Variants in RSRC2 observed in about 807,000 individuals in gnomAD.
RSRC2 encodes arginine and serine rich coiled-coil 2.
RSRC2 carries 5 observed loss-of-function variants against 61.3 expected under a neutral mutation model. The ratio of observed to expected loss-of-function variants is 0.08; its 90% CI spans 0.04 to 0.17. RSRC2 has a LOEUF of 0.17. Ranked by LOEUF, RSRC2 falls within the 10% of genes least tolerant of loss-of-function variation. The probability of loss-of-function intolerance (pLI) is 1.00; values close to 1 mark genes in which losing one functional copy is unlikely to be tolerated. For synonymous variants in RSRC2, 202 were observed against 166.5 expected, an observed-to-expected ratio of 1.21 and a Z score of -1.64; for missense variants, 381 against 518.8, an observed-to-expected ratio of 0.73 and a Z score of 2.58.
At chr12:122,524,942 C>T (rs1194266291) in intron 1 of RSRC2, among the ~76,000 whole-genome samples, 2 of 152,108 alleles carry the variant, frequency 1.3e-5, no homozygotes, top group African/African-American at 2.4e-5. Context: ...ACTCTAATAA[C>T]GGCTCGAAAC....
At chr12:122,511,914 C>A (rs946503961) in intron 6 of RSRC2, among the ~76,000 whole-genome samples, 7 of 152,198 alleles carry the variant, frequency 4.6e-5, no homozygotes, top group Admixed American at 3.9e-4. Flanking sequence ...TCAAGCGATT[C>A]TCCTGCCTCA....
intron 1 of RSRC2, among the ~76,000 whole-genome samples, chr12:122,525,686 TGAG>T (rs930849896): frequency 1.5e-4 from 23 of 152,204 alleles, no homozygotes; most frequent in African/African-American, 5.3e-4. Flanking sequence ...GGAATAAAAA[TGAG>T]GTAAGCACAA....
intron 7 of RSRC2, among the ~76,000 whole-genome samples, chr12:122,509,832 T>C (rs1267204359): frequency 6.6e-6 from 1 of 152,150 alleles, no homozygotes; most frequent in Non-Finnish European, 1.5e-5. Context: ...TTTTTGTTTT[T>C]TGTTTTTGTT....
At chr12:122,518,464 A>G (rs1959092715) in intron 4 of RSRC2, among the ~76,000 whole-genome samples, 1 of 151,886 alleles carries the variant, frequency 6.6e-6, no homozygotes, top group African/African-American at 2.4e-5. Flanking sequence ...ATGGTAGCAC[A>G]TGCCTGTAAT....
intron 1 of RSRC2, among the ~76,000 whole-genome samples, chr12:122,525,723 G>T (rs939771354): frequency 6.6e-6 from 1 of 151,748 alleles, no homozygotes; most frequent in Non-Finnish European, 1.5e-5. Context: ...CGTCAGAATT[G>T]GGTATCTTAT....
intron 4 of RSRC2, among the ~76,000 whole-genome samples, chr12:122,518,084 C>T (rs762641794): frequency 6.6e-6 from 1 of 152,042 alleles, no homozygotes; most frequent in African/African-American, 2.4e-5. Context: ...ACTGCTTGAG[C>T]CCAGGGATTC....
In RSRC2 at chr12:122,511,092, A is replaced by C. The variant is rs778855299; in HGVS notation, c.805+17T>G. On this transcript the variant is annotated intron_variant, in intron 7 of 9. Coordinates refer to ENST00000331738, the MANE Select transcript of RSRC2 (RefSeq NM_023012.6). ...GAGCTCAAATCGAGATGACTAAAAAAGAATGAAAAAAATTACCTGCAGCTA... is the reference window on the plus strand; with the variant it reads ...GAGCTCAAATCGAGATGACTAAAAACGAATGAAAAAAATTACCTGCAGCTA... 6.4e-7 allele frequency: 1 copy of C among 1,572,120 alleles called. No individual in the cohort carries two copies. Among genetic ancestry groups the C allele is most frequent in the Non-Finnish European group, 8.6e-7 (1 of 1,157,162 alleles).
chr12:122,507,312 G>T, intron 8 of RSRC2: 1 of 238,064 alleles, frequency 4.2e-6, no homozygotes, highest in Non-Finnish European at 8.4e-6. Flanking sequence ...AACCTGGGAG[G>T]CAGAGGTTGC....
intron 8 of RSRC2, 74 bp downstream of exon 8, chr12:122,508,144 T>C (rs1958251742): frequency 7.4e-7 from 1 of 1,357,012 alleles, no homozygotes; most frequent in Non-Finnish European, 1.1e-6. Flanking sequence ...GTAATATTTT[T>C]CAACCCAAAT....
chr12:122,506,283 CTT>C (rs1958110927), intron 9 of RSRC2: 1 of 152,534 alleles, frequency 6.6e-6, no homozygotes, highest in Admixed American at 6.5e-5. Flanking sequence ...ATCTCAATAA[CTT>C]AATTTCCATT....
At chr12:122,516,504 G>A (rs563054391) in intron 5 of RSRC2, among the ~76,000 whole-genome samples, 4 of 152,256 alleles carry the variant, frequency 2.6e-5, no homozygotes, top group South Asian at 2.1e-4. Context: ...ATACTGTTTT[G>A]GAATTCTGGG....
Position 122,506,949 on chromosome 12 carries a change from A to G in RSRC2, c.1036-26T>C, listed in dbSNP as rs201199947. The G allele has an allele frequency of 1.9e-4, 242 of 1,263,380 alleles. 1 individual carries two copies. The African/African-American group carries it at 3.2e-3, about 17-fold the overall frequency. The allele number at this position is 1,263,380 out of a possible 1,614,324, so 78.3% of individuals were successfully genotyped here. ...CTGTTAACAAACACTGAACTTTAAAATATGTAAAATTTAAATATTTTTTAG... is the reference window on the plus strand; with the variant it reads ...CTGTTAACAAACACTGAACTTTAAAGTATGTAAAATTTAAATATTTTTTAG... On this transcript the variant is annotated intron_variant, in intron 8 of 9. Coordinates refer to ENST00000331738, the MANE Select transcript of RSRC2 (RefSeq NM_023012.6).
At chr12:122,522,417 C>T (rs546532937) in intron 1 of RSRC2, 118 bp from the exon 2 acceptor site, 1 of 982,310 alleles carries the variant, frequency 1.0e-6, no homozygotes, top group South Asian at 1.9e-5. Context: ...ATCAGAATGC[C>T]TGCTTTCCAA....
chr12:122,519,090 G>GT (rs760007722), intron 3 of RSRC2, 61 bp from the exon 4 acceptor site: 6 of 1,381,340 alleles, frequency 4.3e-6, no homozygotes, highest in Non-Finnish European at 6.1e-6. Context: ...GTTAGTATGG[G>GT]TATCAGTAGA....
At chr12:122,507,003 T>C (rs751939543) in intron 8 of RSRC2, 80 bp from the exon 9 acceptor site, 13 of 770,524 alleles carry the variant, frequency 1.7e-5, no homozygotes, top group Non-Finnish European at 2.6e-5. Flanking sequence ...AATGTCTAAA[T>C]TAAAAAAAAA....
rs1405522240 is a variant in RSRC2 at position 122,522,187 on chromosome 12, T to A, written c.119A>T (p.Tyr40Phe). The change falls in exon 2 of 10, where the codon TAT becomes TTT. Residue 40 changes from tyrosine (Y) to phenylalanine (F), a missense_variant. Physicochemically the swap from Tyr to Phe is conservative, Grantham distance 22 (BLOSUM62 3). Around this residue, in one of 4 missense-constraint regions of RSRC2, gnomAD observed 266 missense variants for 270.5 expected, o/e 0.98. Coordinates refer to ENST00000331738, the MANE Select transcript of RSRC2 (RefSeq NM_023012.6). ...TCTTGACCTTGATCGTGATCTTGAA[T>A]AATGATGTTTTGAAGCTCTAGGAGA... ...SVSPRASKHH[Y>F]SRSRSRSRER... 1 of 1,613,940 alleles carries A rather than the reference T, an allele frequency of 6.2e-7. No homozygotes were observed. Among genetic ancestry groups the A allele is most frequent in the Admixed American group, 1.7e-5 (1 of 59,942 alleles).
chr12:122,519,939 C>T (rs1055955923), intron 3 of RSRC2: 3 of 152,800 alleles, frequency 2.0e-5, no homozygotes, highest in African/African-American at 7.2e-5. Context: ...ATCTCTGAAT[C>T]ACTAAATTTT....
At chr12:122,511,503 T>C (rs184844237) in intron 6 of RSRC2, among the ~76,000 whole-genome samples, 4 of 152,318 alleles carry the variant, frequency 2.6e-5, no homozygotes, top group East Asian at 3.9e-4. Flanking sequence ...GAAAGCTGAG[T>C]AAATTTTAGA....
At chr12:122,512,633 G>A (rs1294193951) in intron 6 of RSRC2, among the ~76,000 whole-genome samples, 2 of 151,488 alleles carry the variant, frequency 1.3e-5, no homozygotes, top group African/African-American at 4.9e-5. Context: ...TTGGGGTGCT[G>A]AGGCAGGAGA....
Sources: gnomAD v4.1 joint callset for allele counts (sites outside exome capture counted in the v4.1 genomes callset) on GRCh38, gnomAD v4.1.1 for gene constraint, gnomAD v4.1.1 regional missense constraint, MANE v1.5 for transcripts, NCBI Gene and HGNC (gene_info 2026-07-23, HGNC 2026-07-21) for gene names.